The following RFX2 variants were observed in gnomAD, a reference collection of about 807,000 sequenced individuals.
RFX2 encodes regulatory factor X2.
In RFX2, 20 loss-of-function variants were observed where a neutral mutation model predicts 87.8. The observed-to-expected ratio is 0.23, with a 90% CI of 0.16 to 0.33. The LOEUF (loss-of-function observed/expected upper bound fraction) is 0.33, where lower values mean the gene tolerates loss of function less well. Among genes scored for constraint, RFX2 ranks in the 10% least tolerant of loss-of-function variants. RFX2 has a pLI of 1.00. For synonymous variants in RFX2, 397 were observed against 431.3 expected (o/e 0.92, Z 0.98); for missense variants, 767 against 1,012.3 (o/e 0.76, Z 3.29).
At position 6,002,684 on chromosome 19, in the gene RFX2, G is replaced by A. The variant is rs1266169630; in HGVS notation, c.1650+37C>T. 6.2e-7 allele frequency: 1 copy of A among 1,607,004 alleles called. No homozygotes were observed. Among genetic ancestry groups the A allele is most frequent in the Admixed American group, 1.7e-5 (1 of 59,812 alleles). On this transcript the variant is annotated intron_variant, in intron 14 of 17. Transcript: ENST00000303657. This position sits in a 1 kb window ranked among gnomAD's most constrained non-coding sequence, Gnocchi z 6.7. ...GTTTGCTGGTTTTGCTGGAGGGCGG[G>A]AAGCCCGGGCCCTGGGGACGGTGTG...
At position 6,007,333 on chromosome 19, in the gene RFX2, C is replaced by T. The variant is rs919759245; in HGVS notation, c.1248-167G>A. Among the ~76,000 whole-genome samples the T allele has an allele frequency of 3.3e-5, 5 of 152,118 alleles. No homozygotes were observed. Among genetic ancestry groups the T allele is most frequent in the African/African-American group, 1.2e-4 (5 of 41,410 alleles). On this transcript the variant is annotated intron_variant, in intron 11 of 17. Coordinates refer to ENST00000303657, the MANE Select transcript of RFX2 (RefSeq NM_000635.4). This position sits in a 1 kb window ranked among gnomAD's most constrained non-coding sequence, Gnocchi z 8.2. ...GGGTCCCCTCCCTCCATGTTGCTCC[C>T]GGCGCCTCCGTGTTTCCCCCTGTCC...
rs1257049531 is a variant in RFX2 at position 6,007,546 on chromosome 19, G to C, written c.1247+144C>G. ...GTGAATTTCAAGTCAACTCTACCAA[G>C]TCTAAAAATTACAGGGATGGAGGCA... On this transcript the variant is annotated intron_variant, in intron 11 of 17. Transcript: ENST00000303657. The surrounding 1 kb of genome is among the most constrained non-coding windows in gnomAD (Gnocchi z 8.2). 1 of 619,962 alleles carries C rather than the reference G, an allele frequency of 1.6e-6. No homozygotes were observed. Among genetic ancestry groups the C allele is most frequent in the Non-Finnish European group, 2.9e-6 (1 of 346,160 alleles). 38.4% of individuals were successfully genotyped at this position (619,962 alleles called of 1,614,324 possible). A position where few individuals can be genotyped will look rare whatever the true frequency, so the allele number is the denominator to read the frequency against.
intron 1 of RFX2, among the ~76,000 whole-genome samples, chr19:6,094,213 G>A (rs1206631294): frequency 6.6e-6 from 1 of 151,836 alleles, no homozygotes; most frequent in Non-Finnish European, 1.5e-5. Context: ...GAGAGAGGAA[G>A]AAGCAGCCAG....
intron 1 of RFX2, among the ~76,000 whole-genome samples, chr19:6,096,577 G>A (rs1490871141): frequency 6.6e-6 from 1 of 152,030 alleles, no homozygotes; most frequent in Non-Finnish European, 1.5e-5. Context: ...CTCCCGAGTA[G>A]CTGGGACTAC....
intron 1 of RFX2, among the ~76,000 whole-genome samples, chr19:6,070,109 TGGGATGGGATGG>T (rs2087579125): frequency 1.6e-5 from 1 of 60,622 alleles, no homozygotes; most frequent in East Asian, 4.5e-4. Context: ...TGGGATGGGA[TGGGATGGGATGG>T]GATGGGATGT....
intron 1 of RFX2, among the ~76,000 whole-genome samples, chr19:6,109,915 T>C (rs1213653022): frequency 8.2e-6 from 1 of 121,944 alleles, no homozygotes; most frequent in Non-Finnish European, 1.8e-5. Flanking sequence ...GAGGGTCCCC[T>C]GGCGCCCCCA....
At chr19:6,009,667 G>A (rs553026208) in intron 9 of RFX2, among the ~76,000 whole-genome samples, 12 of 151,990 alleles carry the variant, frequency 7.9e-5, no homozygotes, top group African/African-American at 2.7e-4. Flanking sequence ...CTGCAGCCTC[G>A]AACTTCTGGG....
Position 6,007,201 on chromosome 19 carries a change from T to C in RFX2, c.1248-35A>G. 6.3e-7 allele frequency: 1 copy of C among 1,597,336 alleles called. No homozygotes were observed. Among genetic ancestry groups the C allele is most frequent in the Non-Finnish European group, 8.6e-7 (1 of 1,169,394 alleles). ...GAGGGGGGACAGGTGAGCTGTGGCC[T>C]GGCCCAGGTGGGCTCACTCAGCCAC... On this transcript the variant is annotated intron_variant, in intron 11 of 17. Coordinates refer to ENST00000303657, the MANE Select transcript of RFX2 (RefSeq NM_000635.4). The surrounding 1 kb of genome is among the most constrained non-coding windows in gnomAD (Gnocchi z 8.2).
intron 1 of RFX2, among the ~76,000 whole-genome samples, chr19:6,055,522 C>T (rs764518843): frequency 3.2e-4 from 48 of 152,188 alleles, no homozygotes; most frequent in Non-Finnish European, 6.6e-4. Flanking sequence ...CTCCCAGGCT[C>T]AAGCGATTCT....
rs916991329 is a variant in RFX2, at chr19:6,039,838, G to A, written c.522+142C>T. The stretch of plus-strand genomic sequence containing the variant: ...TGCGTGGCCCGTCTGAGGCTGGCCC[G>A]ACTCCATCGTGGGGCCGCCTGGGCC... On this transcript the variant is annotated intron_variant, in intron 5 of 17. Transcript: ENST00000303657. The surrounding 1 kb of genome is among the most constrained non-coding windows in gnomAD (Gnocchi z 5.2). 1.0e-5 allele frequency: 10 copies of A among 996,486 alleles called. No individual in the cohort carries two copies. Among genetic ancestry groups the A allele is most frequent in the Non-Finnish European group, 1.4e-5 (10 of 706,934 alleles). 61.7% of individuals were successfully genotyped at this position (996,486 alleles called of 1,614,324 possible). A position where few individuals can be genotyped will look rare whatever the true frequency, so the allele number is the denominator to read the frequency against.
rs954878272 is a variant in RFX2, at chr19:6,026,928, TGGATCCTGAA to T, written c.523-701_523-692del. ...TTCCTGGAGGAAGGGGCTTTTGAGT[TGGATCCTGAA>T]GGACCTGATGGAGGTGGGGAGGGAG... On this transcript the variant is annotated intron_variant, in intron 5 of 17. Coordinates refer to ENST00000303657, the MANE Select transcript of RFX2 (RefSeq NM_000635.4). This position sits in a 1 kb window ranked among gnomAD's most constrained non-coding sequence, Gnocchi z 4.5. Among the ~76,000 whole-genome samples, 5 of 152,164 alleles carry T rather than the reference TGGATCCTGAA, an allele frequency of 3.3e-5. No homozygotes were observed. The highest frequency in any genetic ancestry group is 1.2e-4 in the African/African-American group (5 of 41,436).
Position 6,013,200 on chromosome 19 carries a change from T to A in RFX2, c.780-95A>T, listed in dbSNP as rs1423467258. On this transcript the variant is annotated intron_variant, in intron 7 of 17. Transcript: ENST00000303657. The surrounding 1 kb of genome is among the most constrained non-coding windows in gnomAD (Gnocchi z 4.1). ...TTTTTCTTTCTTTCTTCTTTTTTTT[T>A]TTTGAGACAGAATCTCATTCTGTCG... The A allele has an allele frequency of 7.5e-7, 1 of 1,324,898 alleles. No individual in the cohort carries two copies. Among genetic ancestry groups the A allele is most frequent in the Non-Finnish European group, 1.0e-6 (1 of 992,988 alleles). The allele number at this position is 1,324,898 out of a possible 1,614,324, so 82.1% of individuals were successfully genotyped here. A position where few individuals can be genotyped will look rare whatever the true frequency, so the allele number is the denominator to read the frequency against.
chr19:6,098,121 C>T (rs184167830), intron 1 of RFX2, among the ~76,000 whole-genome samples: 12 of 152,216 alleles, frequency 7.9e-5, no homozygotes, highest in Admixed American at 2.6e-4. Context: ...CGATAAATGA[C>T]GTCATACATG....
chr19:6,108,691 T>C (rs1192470921), intron 1 of RFX2, among the ~76,000 whole-genome samples: 3 of 152,038 alleles, frequency 2.0e-5, no homozygotes, highest in Non-Finnish European at 4.4e-5. Context: ...CACCCCAAAG[T>C]AGGAATGAAG....
At chr19:6,006,742 G>T (rs898132955) in intron 12 of RFX2, among the ~76,000 whole-genome samples, 16 of 150,086 alleles carry the variant, frequency 1.1e-4, no homozygotes, top group African/African-American at 3.9e-4. Flanking sequence ...GAGCAACCTT[G>T]CCTGGCCCCA....
At chr19:6,008,350 T>C (rs1351624216) in intron 9 of RFX2, 126 bp from the exon 10 acceptor site, 6 of 493,514 alleles carry the variant, frequency 1.2e-5, no homozygotes, top group Non-Finnish European at 2.2e-5. Flanking sequence ...GTCAGGGAAT[T>C]TGTTTTTTCT....
In RFX2 at chr19:6,064,959, G is replaced by A. The variant is rs2087489050; in HGVS notation, c.-8-17455C>T. ...CCAGCTCTTTCATCAAACAGATGAAGAAACTTACCTAAAGATGTTAAGTGG... is the reference window on the plus strand; with the variant it reads ...CCAGCTCTTTCATCAAACAGATGAAAAAACTTACCTAAAGATGTTAAGTGG... On this transcript the variant is annotated intron_variant, in intron 1 of 17. Transcript: ENST00000303657. This position sits in a 1 kb window ranked among gnomAD's most constrained non-coding sequence, Gnocchi z 4.8. Among the ~76,000 whole-genome samples the A allele has an allele frequency of 6.6e-6, 1 of 152,142 alleles. No individual in the cohort carries two copies. The highest frequency in any genetic ancestry group is 2.1e-4 in the South Asian group (1 of 4,830).
chr19:6,066,931 A>T (rs957006338), intron 1 of RFX2, among the ~76,000 whole-genome samples: 10 of 152,054 alleles, frequency 6.6e-5, no homozygotes, highest in Non-Finnish European at 1.0e-4. Flanking sequence ...AACCAGATCT[A>T]AAAAAAACCC....
intron 1 of RFX2, chr19:6,073,084 AT>A: frequency 2.2e-6 from 1 of 451,638 alleles, no homozygotes; most frequent in Non-Finnish European, 4.1e-6. Flanking sequence ...GGTTGAAGCA[AT>A]TCTCATGCCT....
Sources: gnomAD v4.1 joint callset for allele counts (sites outside exome capture counted in the v4.1 genomes callset) on GRCh38, gnomAD v4.1.1 for gene constraint, Gnocchi (gnomAD v3.1) non-coding constraint, MANE v1.5 for transcripts, NCBI Gene and HGNC (gene_info 2026-07-23, HGNC 2026-07-21) for gene names.